TSC1: variants seen among roughly 807,000 people sequenced by gnomAD.
TSC1 encodes the protein TSC complex subunit 1.
TSC1 carries 20 observed loss-of-function variants against 124.3 expected under a neutral mutation model. That is an observed-to-expected ratio of 0.16 (90% CI 0.11 to 0.23). The LOEUF (loss-of-function observed/expected upper bound fraction) is 0.23, where lower values mean the gene tolerates loss of function less well. Among genes scored for constraint, TSC1 ranks in the 10% least tolerant of loss-of-function variants. TSC1 has a pLI of 1.00. For synonymous variants in TSC1, 493 were observed against 539.1 expected (o/e 0.91, Z 1.19); for missense variants, 1,124 against 1,448.5 (o/e 0.78, Z 3.64).
rs1845955010 is a variant in TSC1 at position 132,911,478 on chromosome 9, G to A, written c.1004C>T (p.Thr335Ile). The change falls in exon 10 of 23, where the codon ACA (threonine) becomes ATA (isoleucine). Residue 335 changes from threonine (T) to isoleucine (I), a missense_variant. By Grantham distance (89) the Thr-to-Ile change is moderately conservative. Around this residue, in one of 5 missense-constraint regions of TSC1, gnomAD observed 463 missense variants for 606.8 expected, o/e 0.76. Transcript: ENST00000298552. ...QLPQTLSSPS[T>I]RLITEPPQAT... ...TTGTGGTGGTTCAGTTATCAGCCGTGTCGATGGGGAACTCAGAGTCTGAGG... is the reference window on the plus strand; with the variant it reads ...TTGTGGTGGTTCAGTTATCAGCCGTATCGATGGGGAACTCAGAGTCTGAGG... 6.2e-7 allele frequency: 1 copy of A among 1,613,616 alleles called. No individual in the cohort carries two copies. Among genetic ancestry groups the A allele is most frequent in the Admixed American group, 1.7e-5 (1 of 60,012 alleles).
intron 12 of TSC1, 97 bp from the exon 13 acceptor site, chr9:132,907,467 G>T: frequency 2.1e-6 from 2 of 966,080 alleles, no homozygotes; most frequent in South Asian, 1.3e-5. Flanking sequence ...CGAGTGCAGT[G>T]ATTCTCAAAT....
chr9:132,917,022 G>A (rs558636750), intron 8 of TSC1, among the ~76,000 whole-genome samples: 2 of 152,310 alleles, frequency 1.3e-5, no homozygotes, highest in East Asian at 3.9e-4. Context: ...TCTCATATTT[G>A]ATAGACAAGT....
rs960900858 is a variant in TSC1 at position 132,920,161 on chromosome 9, G to A, written c.737+1202C>T. Among the ~76,000 whole-genome samples the A allele has an allele frequency of 5.9e-5, 9 of 152,192 alleles. No individual in the cohort carries two copies. The South Asian group carries it at 1.9e-3, about 31-fold the overall frequency. On this transcript the variant is annotated intron_variant, in intron 8 of 22. Transcript: ENST00000298552. ...GTGCACTGACTTCCCAGAAGGGGCTGTGAAACCTCAGGGACAGTGAAACCA... is the reference window on the plus strand; with the variant it reads ...GTGCACTGACTTCCCAGAAGGGGCTATGAAACCTCAGGGACAGTGAAACCA...
In TSC1 at chr9:132,906,473, TG is replaced by T. The variant is rs1845677796; in HGVS notation, c.1438+257del. 1.9e-6 allele frequency: 1 copy of T among 522,024 alleles called. No homozygotes were observed. Among genetic ancestry groups the T allele is most frequent in the African/African-American group, 2.0e-5 (1 of 50,986 alleles). 32.3% of individuals were successfully genotyped at this position (522,024 alleles called of 1,614,324 possible). A position where few individuals can be genotyped will look rare whatever the true frequency, so the allele number is the denominator to read the frequency against. ...CTGAGGTGGGCGGATTGCTTGAGCC[TG>T]GGAGGTCAAGGCTGCAGTGAGCCAT... On this transcript the variant is annotated intron_variant, in intron 14 of 22. Transcript: ENST00000298552. The surrounding 1 kb of genome is among the most constrained non-coding windows in gnomAD (Gnocchi z 4.1).
At chr9:132,910,421 C>G (rs767692847) in intron 12 of TSC1, 150 bp downstream of exon 12, 1 of 1,437,670 alleles carries the variant, frequency 7.0e-7, no homozygotes, top group Non-Finnish European at 9.6e-7. Flanking sequence ...ACCTTGAGAG[C>G]AGCTTGTTAG....
chr9:132,942,444 A>T (rs1354739181), intron 1 of TSC1: 1 of 152,240 alleles, frequency 6.6e-6, no homozygotes, highest in East Asian at 1.9e-4. Context: ...CATTACATAT[A>T]GAGGTATATA....
intron 20 of TSC1, among the ~76,000 whole-genome samples, chr9:132,898,071 G>A (rs1168011643): frequency 2.0e-5 from 3 of 152,148 alleles, no homozygotes; most frequent in Non-Finnish European, 4.4e-5. Context: ...GTGAAAATAC[G>A]CCACTATCCA....
chr9:132,941,591 C>G (rs957468362), intron 1 of TSC1: 1 of 152,194 alleles, frequency 6.6e-6, no homozygotes, highest in Non-Finnish European at 1.5e-5. Flanking sequence ...GTACACTTTT[C>G]TTTCACGCCT....
At chr9:132,941,298 T>C (rs758611829) in intron 1 of TSC1, 1 of 152,206 alleles carries the variant, frequency 6.6e-6, no homozygotes, top group Non-Finnish European at 1.5e-5. Flanking sequence ...TTATACACAG[T>C]ATATAAAATT....
At chr9:132,915,308 T>A (rs1846218906) in intron 8 of TSC1, among the ~76,000 whole-genome samples, 1 of 152,022 alleles carries the variant, frequency 6.6e-6, no homozygotes, top group Non-Finnish European at 1.5e-5. Context: ...AGCAAGACTG[T>A]GCCGCAAAAA....
rs1023627309 is a variant in TSC1 at position 132,893,809 on chromosome 9, T to C, written c.*2426A>G. On this transcript the variant is annotated 3_prime_UTR_variant, in exon 23 of 23. Coordinates refer to ENST00000298552, the MANE Select transcript of TSC1 (RefSeq NM_000368.5). Reference sequence around the variant, plus strand: ...ACTAATACCTTTGCCCAGGACTGAATTGCCTCTCGAGAGTAATACTGTCAC... The same window carrying C: ...ACTAATACCTTTGCCCAGGACTGAACTGCCTCTCGAGAGTAATACTGTCAC... 1 of 233,168 alleles carries C rather than the reference T, an allele frequency of 4.3e-6. No homozygotes were observed. The highest frequency in any genetic ancestry group is 8.5e-6 in the Non-Finnish European group (1 of 118,052). 14.4% of individuals were successfully genotyped at this position (233,168 alleles called of 1,614,324 possible). A position where few individuals can be genotyped will look rare whatever the true frequency, so the allele number is the denominator to read the frequency against.
At chr9:132,910,136 C>CAAAA in intron 12 of TSC1, 4 of 201,420 alleles carry the variant, frequency 2.0e-5, no homozygotes, top group East Asian at 1.1e-4. Flanking sequence ...TCATCTCCAC[C>CAAAA]AAAAAAAAAA....
Position 132,913,891 on chromosome 9 carries a change from GTTTTTTT to G in TSC1, c.738-1441_738-1435del, listed in dbSNP as rs775823272. ...TCCCATGGGTTTTTTGTTTTGTTTT[GTTTTTTT>G]TTTTTTTTTTTTTTTTTTTAGACAG... On this transcript the variant is annotated intron_variant, in intron 8 of 22. Transcript: ENST00000298552. Among the ~76,000 whole-genome samples, 91 of 58,366 alleles carry G rather than the reference GTTTTTTT, an allele frequency of 1.6e-3. 1 individual carries two copies. Among genetic ancestry groups the G allele is most frequent in the African/African-American group, 6.0e-3 (89 of 14,824 alleles). The allele number at this position is 58,366 out of a possible 152,430, so 38.3% of individuals were successfully genotyped here.
At chr9:132,944,442 T>C (rs2132534961) in intron 1 of TSC1, 101 bp downstream of exon 1, 1 of 397,062 alleles carries the variant, frequency 2.5e-6, no homozygotes, top group Non-Finnish European at 4.4e-6. Flanking sequence ...CAAGTGAGTC[T>C]CTTGCTCCAG....
chr9:132,906,824 C>T lies in TSC1; in HGVS notation c.1345G>A (p.Gly449Ser), dbSNP rs2131868276. The change falls in exon 14 of 23, where the codon GGC (glycine) becomes AGC (serine). Residue 449 changes from glycine to serine, a missense_variant. Around this residue, in one of 5 missense-constraint regions of TSC1, gnomAD observed 463 missense variants for 606.8 expected, o/e 0.76. Coordinates refer to ENST00000298552, the MANE Select transcript of TSC1 (RefSeq NM_000368.5). This position sits in a 1 kb window ranked among gnomAD's most constrained non-coding sequence, Gnocchi z 4.1. ...LNDRGSEEPPGSKGSVTLSDL... is the reference protein window; with the variant it reads ...LNDRGSEEPPSSKGSVTLSDL... ...CTTAGAGTGACAGAACCTTTGCTGC[C>T]AGGTGGCTCTTCTGAAGAGAAACAA... 6.2e-7 allele frequency: 1 copy of T among 1,614,050 alleles called. No individual in the cohort carries two copies. Among genetic ancestry groups the T allele is most frequent in the Non-Finnish European group, 8.5e-7 (1 of 1,180,014 alleles).
rs545357321 is a variant in TSC1 at position 132,923,019 on chromosome 9, T to G, written c.508+329A>C. On this transcript the variant is annotated intron_variant, in intron 6 of 22. Coordinates refer to ENST00000298552, the MANE Select transcript of TSC1 (RefSeq NM_000368.5). This position sits in a 1 kb window ranked among gnomAD's most constrained non-coding sequence, Gnocchi z 4.2. Reference sequence around the variant, plus strand: ...AGAGCAGCCAAGGAAGACAGAAATGTCCCACAAGCTTAGTCCTGTACTGCT... The same window carrying G: ...AGAGCAGCCAAGGAAGACAGAAATGGCCCACAAGCTTAGTCCTGTACTGCT... Among the ~76,000 whole-genome samples, 397 of 152,340 alleles carry G rather than the reference T, an allele frequency of 2.6e-3. 4 individuals are homozygous for G. Among genetic ancestry groups the G allele is most frequent in the Non-Finnish European group, 4.6e-3 (312 of 68,034 alleles).
rs1472417305 is a variant in TSC1 at position 132,905,569 on chromosome 9, C to A, written c.1997+12G>T. Reference sequence around the variant, plus strand: ...ACCATTTAACACAGAAGAGAGTGCCCCAGTCCCTTACTTGTTCAGCTCCTT... The same window carrying A: ...ACCATTTAACACAGAAGAGAGTGCCACAGTCCCTTACTTGTTCAGCTCCTT... On this transcript the variant is annotated intron_variant, in intron 15 of 22. Coordinates refer to ENST00000298552, the MANE Select transcript of TSC1 (RefSeq NM_000368.5). The A allele has an allele frequency of 6.2e-7, 1 of 1,613,664 alleles. No homozygotes were observed. The highest frequency in any genetic ancestry group is 2.2e-5 in the East Asian group (1 of 44,890).
At chr9:132,922,323 T>A (rs1846614448) in intron 6 of TSC1, among the ~76,000 whole-genome samples, 1 of 152,218 alleles carries the variant, frequency 6.6e-6, no homozygotes, top group Non-Finnish European at 1.5e-5. Flanking sequence ...GATAGCTCTC[T>A]GTAAAATTTA....
At chr9:132,900,577 G>A (rs1845313884) in intron 20 of TSC1, 138 bp downstream of exon 20, 2 of 1,418,932 alleles carry the variant, frequency 1.4e-6, no homozygotes, top group East Asian at 2.3e-5. Context: ...TGTATAGCTG[G>A]ACCACGGAGT....
Sources: gnomAD v4.1 joint callset for allele counts (sites outside exome capture counted in the v4.1 genomes callset) on GRCh38, gnomAD v4.1.1 for gene constraint, gnomAD v4.1.1 regional missense constraint, Gnocchi (gnomAD v3.1) non-coding constraint, MANE v1.5 for transcripts, NCBI Gene and HGNC (gene_info 2026-07-23, HGNC 2026-07-21) for gene names.